Variants in ZDHHC24 observed in about 807,000 individuals in gnomAD.
ZDHHC24 encodes probable palmitoyltransferase ZDHHC24.
A neutral mutation model predicts 23.2 loss-of-function variants in ZDHHC24; 17 were observed. The ratio of observed to expected loss-of-function variants is 0.73; its 90% confidence interval spans 0.50 to 1.10. ZDHHC24 has a LOEUF of 1.10. ZDHHC24 is among the 50% of genes least tolerant of loss of function. The probability of loss-of-function intolerance (pLI) is 0.00; values close to 1 mark genes in which losing one functional copy is unlikely to be tolerated. For synonymous variants in ZDHHC24, 186 were observed against 194.5 expected, an observed-to-expected ratio of 0.96 and a Z score of 0.36; for missense variants, 366 against 393.0, an observed-to-expected ratio of 0.93 and a Z score of 0.58.
At position 66,545,875 on chromosome 11, in the gene ZDHHC24, C is replaced by T. The variant is rs1282706812; in HGVS notation, c.129G>A (p.Pro43=). The T allele has an allele frequency of 2.6e-6, 4 of 1,545,182 alleles. No individual in the cohort carries two copies. Among genetic ancestry groups the T allele is most frequent in the East Asian group, 2.4e-5 (1 of 41,256 alleles). The change falls in exon 1 of 3, where the codon CCG becomes CCA. Residue 43 remains proline (P), a synonymous_variant. Coordinates refer to ENST00000310442, the MANE Select transcript of ZDHHC24 (RefSeq NM_207340.3). The surrounding 1 kb of genome is among the most constrained non-coding windows in gnomAD (Gnocchi z 4.5). ...CCCGGGCCAGGGGTCCCAGCGGCGG[C>T]GGCCCGGGACCGAGCACCAGCACGT... is the stretch of plus-strand genomic sequence containing the variant. ...LAYVLVLGPG[P]PPLGPLARAL...
In ZDHHC24 at chr11:66,521,262, G is replaced by C. The variant is rs10896125; in HGVS notation, c.*226C>G. 384,094 of 1,611,188 alleles carry C rather than the reference G, an allele frequency of 0.24. 47,428 individuals carry two copies. The highest frequency in any genetic ancestry group is 0.26 in the East Asian group (11,733 of 44,854). On this transcript the variant is annotated 3_prime_UTR_variant, in exon 5 of 5. Coordinates refer to the ZDHHC24 transcript ENST00000526986. ...AGAAATTGGAGTGTTTGCGCTTCTT[G>C]TTTGCAGATGAGCCTTCCCAGCGTC...
intron 4 of ZDHHC24, chr11:66,523,378 G>C: frequency 6.2e-7 from 1 of 1,605,032 alleles, no homozygotes; most frequent in African/African-American, 1.3e-5. Flanking sequence ...GAGTCCATGA[G>C]GTTTAGACAG....
In ZDHHC24 at chr11:66,539,754, G is replaced by C. The variant is rs149052503; in HGVS notation, c.630C>G (p.Cys210Trp). Residue 210 changes from cysteine to tryptophan, a missense_variant, in exon 3 of 3, where the codon TGC becomes TGG. Cys to Trp is a radical substitution (Grantham distance 215, BLOSUM62 -2). Coordinates refer to ENST00000310442, the MANE Select transcript of ZDHHC24 (RefSeq NM_207340.3). ...TCCCATGGAAGAGCAGCCCAGCCCC[G>C]CACAGCAGCGCACCCGCCACGCACG... ...TDTCVAGALL[C>W]GAGLLFHGML... The C allele has an allele frequency of 6.2e-7, 1 of 1,612,608 alleles. No individual in the cohort carries two copies. Among genetic ancestry groups the C allele is most frequent in the Non-Finnish European group, 8.5e-7 (1 of 1,179,588 alleles).
At chr11:66,544,325 C>T (rs560727060) in intron 1 of ZDHHC24, among the ~76,000 whole-genome samples, 2 of 152,312 alleles carry the variant, frequency 1.3e-5, no homozygotes, top group Admixed American at 6.5e-5. Flanking sequence ...GACTGGTCTC[C>T]GATTCCACCT....
chr11:66,531,943 C>T, downstream of ZDHHC24: 1 of 1,582,396 alleles, frequency 6.3e-7, no homozygotes, highest in Non-Finnish European at 8.6e-7. Context: ...ATGGCCACTC[C>T]TCCATAGGTG....
rs1413761546 is a variant in ZDHHC24, at chr11:66,539,431, G to C, written c.*98C>G. 1.1e-5 allele frequency: 15 copies of C among 1,419,414 alleles called. No individual in the cohort carries two copies. Among genetic ancestry groups the C allele is most frequent in the Non-Finnish European group, 1.4e-5 (15 of 1,089,338 alleles). The allele number at this position is 1,419,414 out of a possible 1,614,324, so 87.9% of individuals were successfully genotyped here. On this transcript the variant is annotated 3_prime_UTR_variant, in exon 3 of 3. Transcript: ENST00000310442. ...CAAGGAAGGGGTGGAGTTGTCCAAT[G>C]CAGATGTTAAGGTCCAACCCGACTT...
At chr11:66,523,333 G>T in intron 4 of ZDHHC24, 1 of 1,358,262 alleles carries the variant, frequency 7.4e-7, no homozygotes, top group East Asian at 2.3e-5. Flanking sequence ...ATAATCCCAG[G>T]GTCATCTGCT....
chr11:66,531,799 A>T, downstream of ZDHHC24: 1 of 1,600,394 alleles, frequency 6.2e-7, no homozygotes, highest in Non-Finnish European at 8.5e-7. Flanking sequence ...GAGGACAGTA[A>T]GGGTGAGTGC....
downstream of ZDHHC24, among the ~76,000 whole-genome samples, chr11:66,531,351 C>G (rs1275789513): frequency 2.6e-5 from 4 of 152,210 alleles, no homozygotes; most frequent in Non-Finnish European, 4.4e-5. Context: ...TGTGAAGGGC[C>G]TGGTTTTCCC....
intron 2 of ZDHHC24, among the ~76,000 whole-genome samples, chr11:66,540,677 A>C (rs1292969085): frequency 6.6e-6 from 1 of 151,744 alleles, no homozygotes; most frequent in African/African-American, 2.4e-5. Context: ...GCAGTGAGCC[A>C]AGATTGCGCC....
At chr11:66,532,309 C>T, downstream of ZDHHC24, 1 of 528,250 alleles carries the variant, frequency 1.9e-6, no homozygotes, top group South Asian at 2.2e-5. Context: ...TTTCCAGAAA[C>T]CATACTGGGC....
Position 66,537,926 on chromosome 11 carries a change from C to CAAATAAAATAAAATA in ZDHHC24, c.*1588_*1602dup, listed in dbSNP as rs111422692. The CAAATAAAATAAAATA allele has an allele frequency of 3.2e-4, 45 of 140,186 alleles. No individual in the cohort carries two copies. The highest frequency in any genetic ancestry group is 5.6e-4 in the African/African-American group (21 of 37,794). 8.7% of individuals were successfully genotyped at this position (140,186 alleles called of 1,614,324 possible). A position where few individuals can be genotyped will look rare whatever the true frequency, so the allele number is the denominator to read the frequency against. On this transcript the variant is annotated 3_prime_UTR_variant, in exon 3 of 3. Transcript: ENST00000310442. ...CTGGCAACAGAACAAGAGTCTGTCT[C>CAAATAAAATAAAATA]AAATAAAATAAAATAAAATAAAATA...
rs1325167289 is a variant in ZDHHC24, at chr11:66,543,698, C to T, written c.559+6G>A. The T allele has an allele frequency of 1.3e-6, 2 of 1,571,132 alleles. No individual in the cohort carries two copies. The highest frequency in any genetic ancestry group is 1.7e-6 in the Non-Finnish European group (2 of 1,158,164). On this transcript the variant is annotated splice_donor_region_variant and intron_variant, in intron 2 of 2. Transcript: ENST00000310442. Reference sequence around the variant, plus strand: ...CCTCTGTGCAGAGGCCTCCCAGGCTCCCCACCTGTGAGCAACATGAGCCAG... The same window carrying T: ...CCTCTGTGCAGAGGCCTCCCAGGCTTCCCACCTGTGAGCAACATGAGCCAG...
chr11:66,523,461 C>T, intron 4 of ZDHHC24: 1 of 1,614,122 alleles, frequency 6.2e-7, no homozygotes, highest in Non-Finnish European at 8.5e-7. Context: ...CACAGAGACT[C>T]CAAGCACCCC....
downstream of ZDHHC24, chr11:66,533,331 T>G (rs1390652084): frequency 6.6e-6 from 1 of 152,232 alleles, no homozygotes. Context: ...TCCCATTCTC[T>G]AGTACTGCTC....
At chr11:66,529,780 C>A in intron 2 of ZDHHC24, 1 of 1,607,594 alleles carries the variant, frequency 6.2e-7, no homozygotes. Context: ...CCTGCCACCC[C>A]CCACCTCCAC....
chr11:66,543,437 G>A (rs550961899), intron 2 of ZDHHC24, among the ~76,000 whole-genome samples: 4 of 152,170 alleles, frequency 2.6e-5, no homozygotes, highest in Non-Finnish European at 5.9e-5. Flanking sequence ...TCCACATCCC[G>A]CCATGCAGAG....
chr11:66,528,993 A>G, intron 3 of ZDHHC24: 2 of 688,680 alleles, frequency 2.9e-6, no homozygotes, highest in Non-Finnish European at 3.6e-6. Flanking sequence ...AAAAAAAGGA[A>G]GAAAATCAGA....
intron 3 of ZDHHC24, chr11:66,527,587 T>C (rs1267599562): frequency 6.8e-6 from 1 of 147,900 alleles, no homozygotes; most frequent in Non-Finnish European, 1.4e-5. Context: ...AAGAATCGCT[T>C]AAACCCAGGA....
Sources: allele counts gnomAD v4.1 joint callset (sites outside exome capture counted in the v4.1 genomes callset), GRCh38; gene constraint gnomAD v4.1.1; non-coding constraint Gnocchi (gnomAD v3.1); transcripts MANE v1.5; gene names NCBI Gene and HGNC (gene_info 2026-07-23, HGNC 2026-07-21).